The following CREB5 variants were observed in gnomAD, a reference collection of about 807,000 sequenced individuals.
CREB5 encodes cyclic AMP-responsive element-binding protein 5.
A neutral mutation model predicts 57.1 loss-of-function variants in CREB5; 19 were observed. The observed-to-expected ratio is 0.33, with a 90% CI of 0.23 to 0.49. The LOEUF is 0.49. CREB5 is among the 20% of genes least tolerant of loss of function. The probability of loss-of-function intolerance (pLI) is 0.99; values close to 1 mark genes in which losing one functional copy is unlikely to be tolerated. For missense variants in CREB5, 579 were observed against 671.6 expected, an observed-to-expected ratio of 0.86 and a Z score of 1.52; for synonymous variants, 238 against 238.3, an observed-to-expected ratio of 1.00 and a Z score of 0.01.
intron 1 of CREB5, among the ~76,000 whole-genome samples, chr7:28,428,639 A>G (rs1222531001): frequency 6.6e-6 from 1 of 152,202 alleles, no homozygotes; most frequent in East Asian, 1.9e-4. Flanking sequence ...CAGGTAGAAC[A>G]GGGTCAGTGT....
At chr7:28,681,984 A>G (rs1034569052) in intron 5 of CREB5, among the ~76,000 whole-genome samples, 4 of 152,216 alleles carry the variant, frequency 2.6e-5, no homozygotes, top group Non-Finnish European at 5.9e-5. Context: ...TGACCTCTTA[A>G]TATCCACCCC....
intron 1 of CREB5, among the ~76,000 whole-genome samples, chr7:28,478,259 C>T (rs1286389727): frequency 6.6e-6 from 1 of 152,038 alleles, no homozygotes; most frequent in East Asian, 1.9e-4. Flanking sequence ...CAGTATCCTC[C>T]TCATGGTACA....
upstream of CREB5, chr7:28,409,826 G>A (rs1482762766): frequency 4.4e-6 from 2 of 452,144 alleles, no homozygotes; most frequent in Admixed American, 4.7e-5. The surrounding 1 kb of genome is among the most constrained non-coding windows in gnomAD (Gnocchi z 4.4). Context: ...GCGTGCGTGC[G>A]TGTGTGGGAG....
chr7:28,555,451 G>T (rs193167444), intron 4 of CREB5, among the ~76,000 whole-genome samples: 3 of 152,268 alleles, frequency 2.0e-5, no homozygotes, highest in African/African-American at 7.2e-5. Context: ...AAGGCGTTTT[G>T]TACTGAGATT....
Position 28,712,921 on chromosome 7 carries a change from A to C in CREB5, c.465-5832A>C, listed in dbSNP as rs190787387. ...TAATTGCCACTTCTTAAGATTTAAG[A>C]GTTTGTATTCCTCTCTTTAGCATTT... On this transcript the variant is annotated intron_variant, in intron 5 of 10. Transcript: ENST00000357727. 2.0e-4 allele frequency among the ~76,000 whole-genome samples: 31 copies of C among 152,302 alleles called. No individual in the cohort carries two copies. The East Asian group carries it at 5.6e-3, about 27-fold the overall frequency.
At chr7:28,603,413 T>G (rs1339437485) in intron 5 of CREB5, among the ~76,000 whole-genome samples, 1 of 152,220 alleles carries the variant, frequency 6.6e-6, no homozygotes, top group African/African-American at 2.4e-5. Context: ...TGAGGCCTTT[T>G]GATCACATTG....
At chr7:28,796,923 C>A (rs1253860210) in intron 7 of CREB5, among the ~76,000 whole-genome samples, 3 of 152,136 alleles carry the variant, frequency 2.0e-5, no homozygotes, top group Non-Finnish European at 4.4e-5. Flanking sequence ...AATGCACAGT[C>A]TCTTAAAATG....
chr7:28,624,677 A>G (rs370180300), intron 5 of CREB5, among the ~76,000 whole-genome samples: 9 of 22,466 alleles, frequency 4.0e-4, no homozygotes, highest in African/African-American at 2.7e-3. Context: ...AACAGACGTG[A>G]AAAAAAAAAA....
chr7:28,694,629 G>C (rs138307948), intron 5 of CREB5, among the ~76,000 whole-genome samples: 7 of 152,112 alleles, frequency 4.6e-5, no homozygotes, highest in Middle Eastern at 3.2e-3. Flanking sequence ...CTGCAGCCTC[G>C]AACTCTTGGG....
rs537180920 is a variant in CREB5, at chr7:28,467,704, C to T, written c.4-20471C>T. On this transcript the variant is annotated intron_variant, in intron 1 of 10. Coordinates refer to ENST00000357727, the MANE Select transcript of CREB5 (RefSeq NM_182898.4). ...AAGCTACCATGCAAATGTAAATGTT[C>T]CCTAGGATGGATAACAGAAAAGCCA... Among the ~76,000 whole-genome samples the T allele has an allele frequency of 3.3e-5, 5 of 152,210 alleles. No homozygotes were observed. In the South Asian group the frequency reaches 1.0e-3, roughly 32 times the overall value.
chr7:28,797,845 T>C (rs2128795813), intron 7 of CREB5, among the ~76,000 whole-genome samples: 1 of 152,250 alleles, frequency 6.6e-6, no homozygotes, highest in South Asian at 2.1e-4. Flanking sequence ...TCATTGCTAT[T>C]AAAAGCAATG....
At chr7:28,362,448 G>T (rs1036207931) in intron 1 of CREB5, among the ~76,000 whole-genome samples, 3 of 152,144 alleles carry the variant, frequency 2.0e-5, no homozygotes, top group African/African-American at 7.2e-5. Context: ...TCATTTTTAA[G>T]TTTGCAAAAT....
chr7:28,533,449 G>A (rs559480278), intron 4 of CREB5, among the ~76,000 whole-genome samples: 2 of 152,224 alleles, frequency 1.3e-5, no homozygotes, highest in Non-Finnish European at 2.9e-5. Context: ...CACAGTTGCT[G>A]TCCTTTCCTG....
chr7:28,321,333 G>T (rs942818447), intron 1 of CREB5, among the ~76,000 whole-genome samples: 4 of 152,110 alleles, frequency 2.6e-5, no homozygotes, highest in East Asian at 1.9e-4. Flanking sequence ...GAAATGGCCA[G>T]GGCTGGCTAT....
At chr7:28,608,727 A>C (rs1428066108) in intron 5 of CREB5, among the ~76,000 whole-genome samples, 1 of 152,240 alleles carries the variant, frequency 6.6e-6, no homozygotes, top group Non-Finnish European at 1.5e-5. Context: ...CAGGACACTG[A>C]AGTTCCTCAG....
intron 4 of CREB5, among the ~76,000 whole-genome samples, chr7:28,516,693 G>C (rs1015324099): frequency 1.3e-5 from 2 of 152,160 alleles, no homozygotes; most frequent in African/African-American, 4.8e-5. Context: ...GGAAAAGGTA[G>C]CTTTTCCCAG....
Position 28,442,287 on chromosome 7 carries a change from AC to A in CREB5, c.3+29371del, listed in dbSNP as rs541049231. ...TGACAGGATTTCATTCTTTTTTATG[AC>A]TGAATAGTATTCCAGTGTGTATATA... On this transcript the variant is annotated intron_variant, in intron 1 of 10. Coordinates refer to ENST00000357727, the MANE Select transcript of CREB5 (RefSeq NM_182898.4). Among the ~76,000 whole-genome samples the A allele has an allele frequency of 4.9e-3, 743 of 152,120 alleles. 8 individuals are homozygous for A. The highest frequency in any genetic ancestry group is 0.017 in the African/African-American group (698 of 41,488).
chr7:28,737,947 A>C (rs1804121977), intron 7 of CREB5, among the ~76,000 whole-genome samples: 1 of 152,166 alleles, frequency 6.6e-6, no homozygotes, highest in African/African-American at 2.4e-5. Flanking sequence ...TTTAGAAAAC[A>C]GAGCTCAGTG....
chr7:28,666,226 C>T (rs998740220), intron 5 of CREB5, among the ~76,000 whole-genome samples: 1 of 152,266 alleles, frequency 6.6e-6, no homozygotes, highest in Middle Eastern at 3.4e-3. Context: ...ATTCAAGCTA[C>T]AAAACACCTT....
Sources: allele counts gnomAD v4.1 joint callset (sites outside exome capture counted in the v4.1 genomes callset), GRCh38; gene constraint gnomAD v4.1.1; non-coding constraint Gnocchi (gnomAD v3.1); transcripts MANE v1.5; gene names NCBI Gene and HGNC (gene_info 2026-07-23, HGNC 2026-07-21).